Variants in GPRC5B observed in about 807,000 individuals in gnomAD.
The protein encoded by GPRC5B is G protein-coupled receptor family C group 5 member B.
A neutral mutation model predicts 30.1 loss-of-function variants in GPRC5B; 16 were observed. The ratio of observed to expected loss-of-function variants is 0.53; its 90% CI spans 0.36 to 0.81. GPRC5B has a LOEUF of 0.81. Ranked by LOEUF, GPRC5B falls within the 30% of genes least tolerant of loss-of-function variation. The probability of loss-of-function intolerance (pLI) is 0.01; values close to 1 mark genes in which losing one functional copy is unlikely to be tolerated. For synonymous variants in GPRC5B, 241 were observed against 239.5 expected (o/e 1.01, Z -0.06); for missense variants, 428 against 544.7 (o/e 0.79, Z 2.13).
At chr16:19,883,353 T>G (rs1272919715) in intron 1 of GPRC5B, among the ~76,000 whole-genome samples, 2 of 152,200 alleles carry the variant, frequency 1.3e-5, no homozygotes, top group Non-Finnish European at 2.9e-5. Flanking sequence ...AGGGAGCAGA[T>G]AGCAAACTGT....
intron 2 of GPRC5B, among the ~76,000 whole-genome samples, chr16:19,864,274 T>C (rs909096069): frequency 2.0e-5 from 3 of 152,236 alleles, no homozygotes; most frequent in South Asian, 4.1e-4. Flanking sequence ...TTGTTTTAAA[T>C]AGGCCTTGGC....
chr16:19,884,624 A>G (rs1185412775), intron 1 of GPRC5B, 103 bp downstream of exon 1: 3 of 870,558 alleles, frequency 3.4e-6, no homozygotes, highest in African/African-American at 3.6e-5. Flanking sequence ...GGCGCTTAGA[A>G]AAACACAAGA....
In GPRC5B at chr16:19,860,552, AAC is replaced by A; in HGVS notation, c.1168-10_1168-9del. 1 of 1,582,532 alleles carries A rather than the reference AAC, an allele frequency of 6.3e-7. No individual in the cohort carries two copies. Among genetic ancestry groups the A allele is most frequent in the Non-Finnish European group, 8.7e-7 (1 of 1,151,330 alleles). On this transcript the variant is annotated splice_polypyrimidine_tract_variant and intron_variant, in intron 3 of 3. Coordinates refer to ENST00000300571, the MANE Select transcript of GPRC5B (RefSeq NM_016235.3). ...TGGCGGAGCAGTTGGGATCTGGAATAACACATAAGGATAACACACTGAGAACT... is the reference window on the plus strand; with the variant it reads ...TGGCGGAGCAGTTGGGATCTGGAATAACATAAGGATAACACACTGAGAACT...
chr16:19,873,676 A>C (rs768048694), intron 1 of GPRC5B, among the ~76,000 whole-genome samples: 1 of 152,130 alleles, frequency 6.6e-6, no homozygotes, highest in African/African-American at 2.4e-5. Context: ...CCTCCATCTT[A>C]CAGGTGACAA....
intron 2 of GPRC5B, 112 bp downstream of exon 2, chr16:19,871,704 G>A: frequency 1.1e-5 from 10 of 937,132 alleles, no homozygotes; most frequent in Non-Finnish European, 1.7e-5. Flanking sequence ...GTTCTGATCT[G>A]CTAGGACTGC....
chr16:19,870,368 G>A (rs1309225084), intron 2 of GPRC5B, among the ~76,000 whole-genome samples: 1 of 152,170 alleles, frequency 6.6e-6, no homozygotes, highest in African/African-American at 2.4e-5. Context: ...TCTTTCAGTG[G>A]AAGCCAAGTC....
rs1180393129 is a variant in GPRC5B at position 19,872,662 on chromosome 16, C to T, written c.184G>A (p.Val62Met). The T allele has an allele frequency of 1.9e-6, 3 of 1,613,996 alleles. No individual in the cohort carries two copies. The Admixed American group carries it at 5.0e-5, about 27-fold the overall frequency. Reference protein sequence around the residue: ...DAIWGIVVEAVAGAGALITLL... With the variant: ...DAIWGIVVEAMAGAGALITLL... ...GTGATCAGGGCGCCCGCCCCGGCCA[C>T]CGCCTCCACCACAATGCCCCAGATG... Residue 62 changes from valine (V) to methionine (M), a missense_variant, in exon 2 of 4, where the codon GTG (valine) becomes ATG (methionine). Coordinates refer to ENST00000300571, the MANE Select transcript of GPRC5B (RefSeq NM_016235.3). The surrounding 1 kb of genome is among the most constrained non-coding windows in gnomAD (Gnocchi z 5.0).
At chr16:19,867,774 G>A (rs1339401119) in intron 2 of GPRC5B, among the ~76,000 whole-genome samples, 1 of 151,606 alleles carries the variant, frequency 6.6e-6, no homozygotes, top group African/African-American at 2.4e-5. Context: ...CTCCAAGGCC[G>A]GGCGTGGTGG....
intron 1 of GPRC5B, among the ~76,000 whole-genome samples, chr16:19,873,173 A>G (rs574731531): frequency 6.6e-5 from 10 of 152,222 alleles, no homozygotes; most frequent in African/African-American, 2.2e-4. Flanking sequence ...CTCTTGAAAA[A>G]TAAGAGGAAG....
intron 1 of GPRC5B, among the ~76,000 whole-genome samples, chr16:19,881,300 G>A (rs548903893): frequency 6.6e-5 from 10 of 152,326 alleles, no homozygotes; most frequent in Non-Finnish European, 1.2e-4. Flanking sequence ...TGGGCCAGGC[G>A]TGATGGCTCA....
At chr16:19,873,503 G>GA (rs1265068404) in intron 1 of GPRC5B, among the ~76,000 whole-genome samples, 3 of 151,800 alleles carry the variant, frequency 2.0e-5, no homozygotes, top group South Asian at 2.1e-4. Flanking sequence ...AAAATAAGGG[G>GA]AAAAAAATGA....
At position 19,872,274 on chromosome 16, in the gene GPRC5B, G is replaced by A; in HGVS notation, c.572C>T (p.Pro191Leu). Residue 191 changes from proline (P) to leucine (L), a missense_variant, in exon 2 of 4, where the codon CCA (proline) becomes CTA (leucine). Coordinates refer to ENST00000300571, the MANE Select transcript of GPRC5B (RefSeq NM_016235.3). This position sits in a 1 kb window ranked among gnomAD's most constrained non-coding sequence, Gnocchi z 5.0. ...LVLTVLRDTR[P>L]ACAYEPMDFV... is the part of the protein sequence containing the mutation. ...GTCCATGGGCTCGTAGGCGCAGGCTGGCCTTGTGTCACGCAGCACGGTGAG... is the reference window on the plus strand; with the variant it reads ...GTCCATGGGCTCGTAGGCGCAGGCTAGCCTTGTGTCACGCAGCACGGTGAG... 1.9e-6 allele frequency: 3 copies of A among 1,614,024 alleles called. No individual in the cohort carries two copies. Among genetic ancestry groups the A allele is most frequent in the South Asian group, 2.2e-5 (2 of 91,082 alleles).
Position 19,857,893 on chromosome 16 carries a change from G to C in GPRC5B, c.*2607C>G, listed in dbSNP as rs2056582313. On this transcript the variant is annotated 3_prime_UTR_variant, in exon 4 of 4. Coordinates refer to ENST00000300571, the MANE Select transcript of GPRC5B (RefSeq NM_016235.3). ...CTTCCCACCCTCCACCTCCAGTGGG[G>C]AGAAATCCAGGCTAGAATGACAATT... The C allele has an allele frequency of 6.5e-6, 1 of 153,150 alleles. No homozygotes were observed. Among genetic ancestry groups the C allele is most frequent in the Non-Finnish European group, 1.5e-5 (1 of 68,878 alleles). The allele number at this position is 153,150 out of a possible 1,614,324, so 9.5% of individuals were successfully genotyped here.
At chr16:19,876,030 G>A (rs958614091) in intron 1 of GPRC5B, among the ~76,000 whole-genome samples, 2 of 152,194 alleles carry the variant, frequency 1.3e-5, no homozygotes, top group East Asian at 3.9e-4. Flanking sequence ...TCAATGGCCA[G>A]CTCAGTTAAG....
At chr16:19,868,637 C>CTGCCA (rs1245897352) in intron 2 of GPRC5B, among the ~76,000 whole-genome samples, 1 of 152,290 alleles carries the variant, frequency 6.6e-6, no homozygotes, top group Admixed American at 6.5e-5. Context: ...TGGGCTGACT[C>CTGCCA]TGCCATCCCT....
At chr16:19,868,520 C>T (rs1473624775) in intron 2 of GPRC5B, among the ~76,000 whole-genome samples, 1 of 152,194 alleles carries the variant, frequency 6.6e-6, no homozygotes, top group African/African-American at 2.4e-5. Context: ...GACCAGCTCC[C>T]GATCTCTGCT....
intron 2 of GPRC5B, among the ~76,000 whole-genome samples, chr16:19,863,871 TC>T (rs2056646622): frequency 6.6e-6 from 1 of 152,080 alleles, no homozygotes; most frequent in Non-Finnish European, 1.5e-5. Flanking sequence ...GTTGCACGCT[TC>T]TTATGAGAAT....
At chr16:19,863,720 G>A (rs1316416484) in intron 2 of GPRC5B, among the ~76,000 whole-genome samples, 1 of 151,830 alleles carries the variant, frequency 6.6e-6, no homozygotes, top group Non-Finnish European at 1.5e-5. Flanking sequence ...CCAAGCTGGT[G>A]TCAAACTCCT....
In GPRC5B at chr16:19,856,869, A is replaced by C; in HGVS notation, c.*3631T>G. 4.0e-6 allele frequency: 1 copy of C among 252,234 alleles called. No individual in the cohort carries two copies. Among genetic ancestry groups the C allele is most frequent in the Non-Finnish European group, 7.5e-6 (1 of 133,116 alleles). The allele number at this position is 252,234 out of a possible 1,614,324, so 15.6% of individuals were successfully genotyped here. A position where few individuals can be genotyped will look rare whatever the true frequency, so the allele number is the denominator to read the frequency against. On this transcript the variant is annotated 3_prime_UTR_variant, in exon 4 of 4. Transcript: ENST00000300571. ...TGAACTCTAGTCCCAAGGAATACAG[A>C]AGTGCTCTTATTACCAGTTTTCCCA...
Sources: gnomAD v4.1 joint callset for allele counts (sites outside exome capture counted in the v4.1 genomes callset) on GRCh38, gnomAD v4.1.1 for gene constraint, Gnocchi (gnomAD v3.1) non-coding constraint, MANE v1.5 for transcripts, NCBI Gene and HGNC (gene_info 2026-07-23, HGNC 2026-07-21) for gene names.